Variants in SNCAIP observed in about 807,000 individuals in gnomAD.
SNCAIP encodes the protein synphilin-1.
In SNCAIP, 43 loss-of-function variants were observed where a neutral mutation model predicts 86.7. The observed-to-expected ratio is 0.50, with a 90% confidence interval of 0.39 to 0.64. The LOEUF is 0.64. Ranked by LOEUF, SNCAIP falls within the 30% of genes least tolerant of loss-of-function variation. The pLI is 0.00. For missense variants in SNCAIP, 981 were observed against 1,103.1 expected, an observed-to-expected ratio of 0.89 and a Z score of 1.57; for synonymous variants, 417 against 427.2, an observed-to-expected ratio of 0.98 and a Z score of 0.29.
At chr5:122,381,300 C>CT (rs1168033032) in intron 1 of SNCAIP, among the ~76,000 whole-genome samples, 2 of 145,570 alleles carry the variant, frequency 1.4e-5, no homozygotes, top group African/African-American at 5.2e-5. Flanking sequence ...ATGTAATGGC[C>CT]TTTTTTGTCT....
intron 1 of SNCAIP, among the ~76,000 whole-genome samples, chr5:122,340,696 C>T (rs1288593460): frequency 6.6e-6 from 1 of 152,130 alleles, no homozygotes; most frequent in Admixed American, 6.5e-5. Context: ...TTACTTTGTC[C>T]TATGTGCATA....
chr5:122,433,867 C>G (rs1778879840), intron 6 of SNCAIP, among the ~76,000 whole-genome samples: 2 of 152,152 alleles, frequency 1.3e-5, no homozygotes, highest in South Asian at 2.1e-4. Flanking sequence ...GAATTTCGAT[C>G]ATTTCCTAGG....
chr5:122,364,299 G>A (rs1580707933), intron 1 of SNCAIP, among the ~76,000 whole-genome samples: 1 of 152,322 alleles, frequency 6.6e-6, no homozygotes, highest in East Asian at 1.9e-4. Flanking sequence ...TGCGCTGTCT[G>A]TGGAGTAGCC....
intron 1 of SNCAIP, among the ~76,000 whole-genome samples, chr5:122,360,176 C>G (rs944016810): frequency 6.6e-6 from 1 of 152,176 alleles, no homozygotes; most frequent in Non-Finnish European, 1.5e-5. Context: ...CTCATTGTCT[C>G]TAAGTATTCC....
chr5:122,452,220 A>G lies in SNCAIP; in HGVS notation c.2754+619A>G, dbSNP rs552424999. Among the ~76,000 whole-genome samples, 34 of 152,332 alleles carry G rather than the reference A, an allele frequency of 2.2e-4. No individual in the cohort carries two copies. The South Asian group carries it at 6.6e-3, about 30-fold the overall frequency. ...GGGATGGCAGAGTATGCCATGAACT[A>G]CATTTTATAATTGCCTTCACTGGAA... On this transcript the variant is annotated intron_variant, in intron 10 of 10. Coordinates refer to ENST00000261368, the MANE Select transcript of SNCAIP (RefSeq NM_005460.4).
chr5:122,374,020 G>T (rs2152799570), intron 1 of SNCAIP, among the ~76,000 whole-genome samples: 1 of 152,290 alleles, frequency 6.6e-6, no homozygotes, highest in South Asian at 2.1e-4. Context: ...GATGTACATG[G>T]ATTGCCCAGT....
At chr5:122,384,451 G>A (rs147442152) in intron 1 of SNCAIP, among the ~76,000 whole-genome samples, 6 of 152,114 alleles carry the variant, frequency 3.9e-5, no homozygotes, top group African/African-American at 9.7e-5. Flanking sequence ...AGTTGAAGTA[G>A]GAGAGAAAAA....
rs79971753 is a variant in SNCAIP, at chr5:122,362,512, A to G, written c.-46-28577A>G. Among the ~76,000 whole-genome samples, 1,118 of 152,346 alleles carry G rather than the reference A, an allele frequency of 7.3e-3. 28 individuals carry two copies. Among genetic ancestry groups the G allele is most frequent in the Admixed American group, 0.032 (492 of 15,296 alleles). ...CCAGAGCTATCTAGAGGAACTCTGC[A>G]GTATTGACGTGAAGAGAATTGTAGT... On this transcript the variant is annotated intron_variant, in intron 1 of 10. Transcript: ENST00000261368.
intron 1 of SNCAIP, among the ~76,000 whole-genome samples, chr5:122,353,158 A>G (rs1760218754): frequency 1.3e-5 from 2 of 152,152 alleles, no homozygotes; most frequent in Admixed American, 6.5e-5. Flanking sequence ...AAAAATTACA[A>G]CAGTGTGGAT....
chr5:122,320,862 C>A (rs1752774532), intron 1 of SNCAIP, among the ~76,000 whole-genome samples: 3 of 152,180 alleles, frequency 2.0e-5, no homozygotes, highest in Admixed American at 6.5e-5. Flanking sequence ...ATTATCGTGG[C>A]CTTTATATTC....
At chr5:122,399,003 G>A (rs1561667578) in intron 2 of SNCAIP, among the ~76,000 whole-genome samples, 1 of 152,128 alleles carries the variant, frequency 6.6e-6, no homozygotes, top group Non-Finnish European at 1.5e-5. Flanking sequence ...TGACTTTTCA[G>A]TGTCATCCCT....
Position 122,432,014 on chromosome 5 carries a change from G to T in SNCAIP, c.1228G>T (p.Ala410Ser). ...CVRWMVSETE[A>S]IAELSCSKDF... ...ACGCTGGATGGTGAGCGAAACAGAA[G>T]CCATTGCAGAACTGAGTTGTTCTAA... is the stretch of plus-strand genomic sequence containing the variant. Residue 410 changes from alanine (A) to serine (S), a missense_variant, in exon 6 of 11, where the codon GCC (alanine) becomes TCC (serine). Coordinates refer to ENST00000261368, the MANE Select transcript of SNCAIP (RefSeq NM_005460.4). 6.2e-7 allele frequency: 1 copy of T among 1,608,210 alleles called. No homozygotes were observed. The highest frequency in any genetic ancestry group is 8.5e-7 in the Non-Finnish European group (1 of 1,174,864).
chr5:122,458,945 T>G (rs1194907810), intron 10 of SNCAIP, among the ~76,000 whole-genome samples: 1 of 152,042 alleles, frequency 6.6e-6, no homozygotes, highest in Non-Finnish European at 1.5e-5. Flanking sequence ...CATAGATATT[T>G]GGAGAGAGGT....
In SNCAIP at chr5:122,444,636, G is replaced by T; in HGVS notation, c.1496G>T (p.Arg499Leu). The stretch of plus-strand genomic sequence containing the variant: ...GAAAAGCCCTCCCAGAGCGCCGAGC[G>T]GCAGGGGCACACCCTGTGCTCCAGG... ...AGEKPSQSAE[R>L]QGHTLCSRYL... The change falls in exon 8 of 11, where the codon CGG becomes CTG. Residue 499 changes from arginine (R) to leucine (L), a missense_variant. Transcript: ENST00000261368. 6.2e-7 allele frequency: 1 copy of T among 1,614,042 alleles called. No homozygotes were observed. The highest frequency in any genetic ancestry group is 8.5e-7 in the Non-Finnish European group (1 of 1,179,940).
intron 5 of SNCAIP, among the ~76,000 whole-genome samples, chr5:122,428,880 A>G (rs927075964): frequency 6.6e-6 from 1 of 151,996 alleles, no homozygotes; most frequent in Non-Finnish European, 1.5e-5. Context: ...GCTCAGAATG[A>G]TGGTTTCCAG....
At chr5:122,384,018 C>G (rs1048779796) in intron 1 of SNCAIP, among the ~76,000 whole-genome samples, 7 of 152,178 alleles carry the variant, frequency 4.6e-5, no homozygotes, top group Admixed American at 1.3e-4. Flanking sequence ...GTGATGATGT[C>G]TACCATTTCT....
chr5:122,390,811 ACCC>A (rs1221801235), intron 1 of SNCAIP, among the ~76,000 whole-genome samples: 1 of 152,130 alleles, frequency 6.6e-6, no homozygotes, highest in African/African-American at 2.4e-5. Flanking sequence ...GGAGATTCTG[ACCC>A]AAGTTACTGC....
Position 122,414,762 on chromosome 5 carries a change from A to G in SNCAIP, c.131-8106A>G, listed in dbSNP as rs113196783. Reference sequence around the variant, plus strand: ...GGCAGTCCTCCAGTGTTACGGGAAGAAAGTTAGAGTCAGAGAACCTTGGTC... The same window carrying G: ...GGCAGTCCTCCAGTGTTACGGGAAGGAAGTTAGAGTCAGAGAACCTTGGTC... On this transcript the variant is annotated intron_variant, in intron 3 of 10. Transcript: ENST00000261368. Among the ~76,000 whole-genome samples the G allele has an allele frequency of 1.7e-3, 258 of 152,340 alleles. 3 individuals carry two copies. Among genetic ancestry groups the G allele is most frequent in the African/African-American group, 5.9e-3 (247 of 41,588 alleles).
At chr5:122,328,912 T>C (rs775030761) in intron 1 of SNCAIP, among the ~76,000 whole-genome samples, 6 of 152,236 alleles carry the variant, frequency 3.9e-5, no homozygotes, top group Non-Finnish European at 7.3e-5. Flanking sequence ...GTCTTCTGGG[T>C]ATTTTCCTGT....
Sources: allele counts gnomAD v4.1 joint callset (sites outside exome capture counted in the v4.1 genomes callset), GRCh38; gene constraint gnomAD v4.1.1; transcripts MANE v1.5; gene names NCBI Gene and HGNC (gene_info 2026-07-23, HGNC 2026-07-21).